The following DEAF1 variants were observed in gnomAD, a reference collection of about 807,000 sequenced individuals.
DEAF1 encodes deformed epidermal autoregulatory factor 1 homolog.
DEAF1 carries 53 observed loss-of-function variants against 58.9 expected under a neutral mutation model. That is an observed-to-expected ratio of 0.90 (90% CI 0.72 to 1.13). The LOEUF is 1.13. Ranked by LOEUF, DEAF1 falls within the 50% of genes most tolerant of loss-of-function variation. The pLI is 0.00. For missense variants in DEAF1, 685 were observed against 791.4 expected, an observed-to-expected ratio of 0.87 and a Z score of 1.61; for synonymous variants, 385 against 340.4, an observed-to-expected ratio of 1.13 and a Z score of -1.44.
chr11:650,231 G>C (rs927094844), intron 11 of DEAF1, among the ~76,000 whole-genome samples: 1 of 151,504 alleles, frequency 6.6e-6, no homozygotes, highest in Non-Finnish European at 1.5e-5. Flanking sequence ...AAAATTAGCT[G>C]AGTGTGGTGG....
intron 11 of DEAF1, chr11:651,452 T>G: frequency 3.2e-6 from 1 of 311,442 alleles, no homozygotes; most frequent in Non-Finnish European, 6.1e-6. Context: ...ATAAAAAACT[T>G]ATTGAGACAA....
rs772947461 is a variant in DEAF1 at position 695,035 on chromosome 11, C to T, written c.13G>A (p.Asp5Asn). The T allele has an allele frequency of 2.8e-6, 4 of 1,424,306 alleles. No homozygotes were observed. The highest frequency in any genetic ancestry group is 3.7e-6 in the Non-Finnish European group (4 of 1,088,046). The allele number at this position is 1,424,306 out of a possible 1,614,324, so 88.2% of individuals were successfully genotyped here. Reference protein sequence around the residue: MEDSDSAAKQLGLAE... With the variant: MEDSNSAAKQLGLAE... ...AGGCCCAGCTGCTTTGCCGCCGAGT[C>T]CGAGTCCTCCATCCGGACTCCGCCG... is the stretch of plus-strand genomic sequence containing the variant. The change falls in exon 1 of 12, where the codon GAC becomes AAC. Residue 5 changes from aspartate (D) to asparagine (N), a missense_variant. Around this residue, in one of 3 missense-constraint regions of DEAF1, gnomAD observed 210 missense variants for 177.3 expected, o/e 1.18. Transcript: ENST00000382409.
chr11:653,690 G>T lies in DEAF1; in HGVS notation c.1593+272C>A, dbSNP rs568013564. On this transcript the variant is annotated intron_variant, in intron 11 of 11. Transcript: ENST00000382409. Reference sequence around the variant, plus strand: ...GTCTCTCTTGCGTGGCTGTGCAGGGGTGTGGAGGGCTGGGAAGCACTGACC... The same window carrying T: ...GTCTCTCTTGCGTGGCTGTGCAGGGTTGTGGAGGGCTGGGAAGCACTGACC... Among the ~76,000 whole-genome samples the T allele has an allele frequency of 2.0e-4, 30 of 152,298 alleles. 1 individual carries two copies. The highest frequency in any genetic ancestry group is 3.4e-3 in the Middle Eastern group (1 of 294).
At chr11:663,331 C>G (rs930653493) in intron 10 of DEAF1, among the ~76,000 whole-genome samples, 1 of 152,206 alleles carries the variant, frequency 6.6e-6, no homozygotes, top group Non-Finnish European at 1.5e-5. Context: ...GCCTGTAATT[C>G]CAGCCACTCG....
At chr11:697,044 T>C (rs1484545218), upstream of DEAF1, among the ~76,000 whole-genome samples, 1 of 149,476 alleles carries the variant, frequency 6.7e-6, no homozygotes, top group African/African-American at 2.5e-5. Flanking sequence ...AGGTTGCAGT[T>C]GGCCAAGATC....
intron 1 of DEAF1, among the ~76,000 whole-genome samples, chr11:702,777 C>T (rs1466963731): frequency 6.6e-6 from 1 of 152,262 alleles, no homozygotes; most frequent in East Asian, 1.9e-4. Flanking sequence ...CTCTGGCTCT[C>T]CTGAGTTCTG....
At chr11:695,234 G>A (rs113958912), upstream of DEAF1, 1 of 532,582 alleles carries the variant, frequency 1.9e-6, no homozygotes, top group Non-Finnish European at 3.0e-6. Context: ...CCCGCGGAGC[G>A]GAGCCGAGGC....
intron 5 of DEAF1, among the ~76,000 whole-genome samples, chr11:686,229 T>C (rs771991963): frequency 9.1e-4 from 136 of 149,824 alleles, no homozygotes; most frequent in South Asian, 2.6e-3. Flanking sequence ...GAGGTGGAGG[T>C]TGCTGTGAGC....
intron 1 of DEAF1, chr11:705,173 C>T (rs1861657890): frequency 5.9e-6 from 1 of 169,090 alleles, no homozygotes; most frequent in Admixed American, 5.5e-5. Flanking sequence ...TAGCCCTGCC[C>T]CTCTGGGACC....
rs368204178 is a variant in DEAF1, at chr11:692,624, G to A, written c.290-1026C>T. Among the ~76,000 whole-genome samples the A allele has an allele frequency of 3.3e-5, 5 of 152,142 alleles. No individual in the cohort carries two copies. The East Asian group carries it at 5.8e-4, about 18-fold the overall frequency. ...TCCCAGCACTGTGGGATGCCAAGGC[G>A]GGCGGATCACCTGAGGTCAGGAGTT... is the stretch of plus-strand genomic sequence containing the variant. On this transcript the variant is annotated intron_variant, in intron 1 of 11. Transcript: ENST00000382409.
At chr11:697,151 G>A (rs1861229787), upstream of DEAF1, among the ~76,000 whole-genome samples, 1 of 151,788 alleles carries the variant, frequency 6.6e-6, no homozygotes. Context: ...CTACGTGGGA[G>A]GCTGAGGCTG....
Position 670,113 on chromosome 11 carries a change from A to G in DEAF1, c.1503+4423T>C, listed in dbSNP as rs530231813. On this transcript the variant is annotated intron_variant, in intron 10 of 11. Transcript: ENST00000382409. The stretch of plus-strand genomic sequence containing the variant: ...AAAAAAATGAGAGCAGTGACTGTCC[A>G]TGGGGCAGGGGACCGATGGAAGGGG... Among the ~76,000 whole-genome samples, 6 of 151,696 alleles carry G rather than the reference A, an allele frequency of 4.0e-5. No individual in the cohort carries two copies. The South Asian group carries it at 1.0e-3, about 26-fold the overall frequency.
At chr11:679,164 A>C (rs912117204) in intron 8 of DEAF1, among the ~76,000 whole-genome samples, 5 of 152,020 alleles carry the variant, frequency 3.3e-5, no homozygotes, top group African/African-American at 1.2e-4. Flanking sequence ...TACCAAAAAA[A>C]AATTAGCCGG....
intron 11 of DEAF1, among the ~76,000 whole-genome samples, chr11:649,175 C>T (rs750145046): frequency 4.6e-5 from 7 of 152,102 alleles, no homozygotes; most frequent in African/African-American, 1.7e-4. Context: ...CGCTTGAACC[C>T]GGGAGGCAGA....
intron 1 of DEAF1, among the ~76,000 whole-genome samples, chr11:693,967 C>A (rs1860962618): frequency 6.6e-6 from 1 of 151,940 alleles, no homozygotes; most frequent in Non-Finnish European, 1.5e-5. Flanking sequence ...CTCCGCAGCC[C>A]CCCTGGGCCA....
chr11:655,052 C>CA lies in DEAF1; in HGVS notation c.1504-1002dup, dbSNP rs1858978330. On this transcript the variant is annotated intron_variant, in intron 10 of 11. Coordinates refer to ENST00000382409, the MANE Select transcript of DEAF1 (RefSeq NM_021008.4). The stretch of plus-strand genomic sequence containing the variant: ...CGACAGAGCAAGACTGTCTCCAAAA[C>CA]AAACAAACAAACAAACAAACAAAAA... Among the ~76,000 whole-genome samples, 3 of 150,852 alleles carry CA rather than the reference C, an allele frequency of 2.0e-5. No homozygotes were observed. The South Asian group carries it at 6.3e-4, about 31-fold the overall frequency.
Position 644,872 on chromosome 11 carries a change from C to T in DEAF1, c.1594-218G>A, listed in dbSNP as rs371917480. Among the ~76,000 whole-genome samples, 4 of 152,152 alleles carry T rather than the reference C, an allele frequency of 2.6e-5. No individual in the cohort carries two copies. The highest frequency in any genetic ancestry group is 5.9e-5 in the Non-Finnish European group (4 of 68,022). On this transcript the variant is annotated intron_variant, in intron 11 of 11. Coordinates refer to ENST00000382409, the MANE Select transcript of DEAF1 (RefSeq NM_021008.4). The surrounding 1 kb of genome is among the most constrained non-coding windows in gnomAD (Gnocchi z 4.3). ...TGGTTTGAGGAATTGGATCAAAAGG[C>T]AAACAACAGGCAGGGCACGGTGGCT...
upstream of DEAF1, chr11:695,853 T>G (rs574021993): frequency 5.9e-5 from 73 of 1,228,512 alleles, no homozygotes; most frequent in South Asian, 4.0e-5. Flanking sequence ...CGAGGTGAGC[T>G]CGGGCGGGGT....
chr11:644,789 C>T lies in DEAF1; in HGVS notation c.1594-135G>A. ...AGGTGCTGAGAATGCCCTCCCCAGC[C>T]CCCGTGCGCCCAAACTCTGGTGGGC... is the stretch of plus-strand genomic sequence containing the variant. On this transcript the variant is annotated intron_variant, in intron 11 of 11. Transcript: ENST00000382409. This position sits in a 1 kb window ranked among gnomAD's most constrained non-coding sequence, Gnocchi z 4.3. 1.4e-6 allele frequency: 1 copy of T among 715,586 alleles called. No homozygotes were observed. Among genetic ancestry groups the T allele is most frequent in the Non-Finnish European group, 2.5e-6 (1 of 400,518 alleles). The allele number at this position is 715,586 out of a possible 1,614,324, so 44.3% of individuals were successfully genotyped here.
Sources: gnomAD v4.1 joint callset for allele counts (sites outside exome capture counted in the v4.1 genomes callset) on GRCh38, gnomAD v4.1.1 for gene constraint, gnomAD v4.1.1 regional missense constraint, Gnocchi (gnomAD v3.1) non-coding constraint, MANE v1.5 for transcripts, NCBI Gene and HGNC (gene_info 2026-07-23, HGNC 2026-07-21) for gene names.